The following PDSS1 variants were observed in gnomAD, a reference collection of about 807,000 sequenced individuals.
PDSS1 encodes the protein decaprenyl diphosphate synthase subunit 1, also known as all trans-polyprenyl-diphosphate synthase PDSS1.
A neutral mutation model predicts 57.5 loss-of-function variants in PDSS1; 43 were observed. That is an observed-to-expected ratio of 0.75 (90% CI 0.59 to 0.96). The LOEUF is 0.96. Ranked by LOEUF, PDSS1 falls within the 50% of genes least tolerant of loss-of-function variation. The pLI is 0.00. For missense variants in PDSS1, 438 were observed against 527.8 expected, an observed-to-expected ratio of 0.83 and a Z score of 1.67; for synonymous variants, 175 against 191.3, an observed-to-expected ratio of 0.91 and a Z score of 0.70.
chr10:26,743,779 TCCCTGTTCA>T (rs1836709496), intron 11 of PDSS1, among the ~76,000 whole-genome samples: 1 of 152,136 alleles, frequency 6.6e-6, no homozygotes, highest in African/African-American at 2.4e-5. Flanking sequence ...AAATTCTAGC[TCCCTGTTCA>T]CCCACAGAGC....
rs546641605 is a variant in PDSS1 at position 26,735,595 on chromosome 10, T to G, written c.1026+16T>G. 5.0e-6 allele frequency: 7 copies of G among 1,398,360 alleles called. No individual in the cohort carries two copies. The highest frequency in any genetic ancestry group is 2.8e-5 in the African/African-American group (2 of 70,988). The allele number at this position is 1,398,360 out of a possible 1,614,324, so 86.6% of individuals were successfully genotyped here. ...CTGTCAGCAGGTAGGTTTTACAAACTCCCTTTGACACATCACTGCATAGCC... is the reference window on the plus strand; with the variant it reads ...CTGTCAGCAGGTAGGTTTTACAAACGCCCTTTGACACATCACTGCATAGCC... On this transcript the variant is annotated intron_variant, in intron 10 of 11. Coordinates refer to ENST00000376215, the MANE Select transcript of PDSS1 (RefSeq NM_014317.5).
At chr10:26,733,404 G>T (rs966973898) in intron 8 of PDSS1, among the ~76,000 whole-genome samples, 3 of 152,160 alleles carry the variant, frequency 2.0e-5, no homozygotes, top group Non-Finnish European at 4.4e-5. Flanking sequence ...CAGCCCAGGG[G>T]TCGGTGCCTG....
intron 8 of PDSS1, among the ~76,000 whole-genome samples, chr10:26,727,975 C>T (rs183886295): frequency 4.1e-4 from 62 of 152,254 alleles, no homozygotes; most frequent in African/African-American, 1.4e-3. Context: ...ACCACAAGAG[C>T]GGTGCTGTCC....
chr10:26,699,868 G>A (rs949291979), intron 1 of PDSS1, among the ~76,000 whole-genome samples: 2 of 152,178 alleles, frequency 1.3e-5, no homozygotes, highest in East Asian at 3.8e-4. Context: ...TGTCAGTGAT[G>A]CCTTTCACTA....
At chr10:26,706,493 C>T (rs11015238) in intron 4 of PDSS1, among the ~76,000 whole-genome samples, 28,843 of 152,078 alleles carry the variant, frequency 0.19, 3,638 homozygotes, top group East Asian at 0.55. Flanking sequence ...GGGGCAGTCC[C>T]TTAGCCAACC....
rs112683037 is a variant in PDSS1 at position 26,736,644 on chromosome 10, TGAC to T, written c.1026+1067_1026+1069del. Among the ~76,000 whole-genome samples, 325 of 152,242 alleles carry T rather than the reference TGAC, an allele frequency of 2.1e-3. 2 individuals are homozygous for T. Among genetic ancestry groups the T allele is most frequent in the African/African-American group, 7.6e-3 (314 of 41,542 alleles). On this transcript the variant is annotated intron_variant, in intron 10 of 11. Transcript: ENST00000376215. ...CAGCATGATTCTTCCCAGGGGAGGC[TGAC>T]GTTCTGGGTGGCTGGACCAGGCTAC...
At chr10:26,705,086 T>C (rs1336216811) in intron 3 of PDSS1, among the ~76,000 whole-genome samples, 200 bp from the exon 4 acceptor site, 1 of 152,194 alleles carries the variant, frequency 6.6e-6, no homozygotes, top group Non-Finnish European at 1.5e-5. Flanking sequence ...CAAGGCCCTA[T>C]TTATAAAAGT....
intron 5 of PDSS1, among the ~76,000 whole-genome samples, chr10:26,716,019 T>C (rs1322389375): frequency 6.6e-6 from 1 of 152,204 alleles, no homozygotes; most frequent in East Asian, 1.9e-4. Context: ...TCTCTTGACA[T>C]TAAAATGCTA....
chr10:26,697,793 C>T lies in PDSS1; in HGVS notation c.82C>T (p.Arg28Cys). The change falls in exon 1 of 12, where the codon CGT becomes TGT. Residue 28 changes from arginine to cysteine, a missense_variant. Around this residue, in one of 2 missense-constraint regions of PDSS1, gnomAD observed 154 missense variants for 137.0 expected, o/e 1.12. Transcript: ENST00000376215. ...GAGCCCCGGGCCCGGCTCCCCCGGC[C>T]GTGCGGGACCGTTGGGGCCGAGCGC... ...ARSPGPGSPG[R>C]AGPLGPSAAA... 3.1e-6 allele frequency: 4 copies of T among 1,306,954 alleles called. No homozygotes were observed. The highest frequency in any genetic ancestry group is 3.9e-6 in the Non-Finnish European group (4 of 1,030,214). The allele number at this position is 1,306,954 out of a possible 1,614,324, so 81.0% of individuals were successfully genotyped here. A position where few individuals can be genotyped will look rare whatever the true frequency, so the allele number is the denominator to read the frequency against.
intron 5 of PDSS1, among the ~76,000 whole-genome samples, chr10:26,716,433 C>T (rs547621827): frequency 1.1e-4 from 17 of 152,142 alleles, no homozygotes; most frequent in Admixed American, 7.9e-4. Flanking sequence ...CGGTGGCTCA[C>T]GTAATCTCAG....
chr10:26,727,527 G>A (rs566543036), intron 8 of PDSS1, among the ~76,000 whole-genome samples: 7 of 146,294 alleles, frequency 4.8e-5, no homozygotes, highest in East Asian at 2.0e-4. Flanking sequence ...ATGGAGTCTC[G>A]CTCTGTTGCC....
At chr10:26,738,894 TCCC>T (rs1339903331) in intron 10 of PDSS1, among the ~76,000 whole-genome samples, 2 of 152,228 alleles carry the variant, frequency 1.3e-5, no homozygotes, top group African/African-American at 4.8e-5. Flanking sequence ...GACAGCGTCC[TCCC>T]ATGTACGTAT....
At chr10:26,720,450 A>G (rs754963280) in intron 6 of PDSS1, 91 bp downstream of exon 6, 5 of 886,112 alleles carry the variant, frequency 5.6e-6, no homozygotes, top group Non-Finnish European at 9.6e-6. Flanking sequence ...CATTAAAAAT[A>G]TGCTTGCTCA....
At chr10:26,705,901 G>T (rs1835197699) in intron 4 of PDSS1, among the ~76,000 whole-genome samples, 1 of 152,210 alleles carries the variant, frequency 6.6e-6, no homozygotes. Flanking sequence ...CCAGAAAGAG[G>T]TTATGGCAGG....
At chr10:26,735,381 A>G (rs1333976615) in intron 9 of PDSS1, 61 bp downstream of exon 9, 4 of 1,377,470 alleles carry the variant, frequency 2.9e-6, no homozygotes, top group Non-Finnish European at 4.1e-6. Flanking sequence ...ATTCTCCCCT[A>G]GTGTGTAATC....
chr10:26,735,246 G>A lies in PDSS1; in HGVS notation c.838G>A (p.Val280Ile), dbSNP rs745477727. The change falls in exon 9 of 12, where the codon GTT becomes ATT. Residue 280 changes from valine (V) to isoleucine (I), a missense_variant. By Grantham distance (29) the Val-to-Ile change is conservative. This residue lies in a region of PDSS1 where 284 missense variants were observed against 390.7 expected (regional missense o/e 0.73). Coordinates refer to ENST00000376215, the MANE Select transcript of PDSS1 (RefSeq NM_014317.5). ...AATGCTCTTTCTGTTTCAGGTCTCTGTTCTAGGATGTCCCGACCCAGTGGT... is the reference window on the plus strand; with the variant it reads ...AATGCTCTTTCTGTTTCAGGTCTCTATTCTAGGATGTCCCGACCCAGTGGT... ...LIANSCKAVS[V>I]LGCPDPVVHE... 1.2e-6 allele frequency: 2 copies of A among 1,612,484 alleles called. No homozygotes were observed. Among genetic ancestry groups the A allele is most frequent in the Non-Finnish European group, 1.7e-6 (2 of 1,178,492 alleles).
chr10:26,740,185 T>C (rs1025219659), intron 10 of PDSS1, among the ~76,000 whole-genome samples: 9 of 150,828 alleles, frequency 6.0e-5, no homozygotes, highest in African/African-American at 2.2e-4. Context: ...GGTGCGTGCC[T>C]GTAGTCCCAG....
chr10:26,719,886 ATAAACT>A (rs1554795335), intron 5 of PDSS1, among the ~76,000 whole-genome samples: 2 of 152,238 alleles, frequency 1.3e-5, no homozygotes, highest in African/African-American at 2.4e-5. Context: ...TTGTAAACTT[ATAAACT>A]TAAACACCTG....
intron 1 of PDSS1, among the ~76,000 whole-genome samples, chr10:26,698,085 G>T (rs1035651716): frequency 1.3e-5 from 2 of 151,548 alleles, no homozygotes; most frequent in African/African-American, 4.9e-5. Flanking sequence ...TGGGGACCCC[G>T]GGAGCGTTTT....
Sources: gnomAD v4.1 joint callset for allele counts (sites outside exome capture counted in the v4.1 genomes callset) on GRCh38, gnomAD v4.1.1 for gene constraint, gnomAD v4.1.1 regional missense constraint, MANE v1.5 for transcripts, NCBI Gene and HGNC (gene_info 2026-07-23, HGNC 2026-07-21) for gene names.